TGFBR3: variants seen among roughly 807,000 people sequenced by gnomAD.
TGFBR3 encodes the protein transforming growth factor beta receptor 3.
A neutral mutation model predicts 87.9 loss-of-function variants in TGFBR3; 46 were observed. The ratio of observed to expected loss-of-function variants is 0.52; its 90% confidence interval spans 0.41 to 0.67. TGFBR3 has a LOEUF of 0.67. Among genes scored for constraint, TGFBR3 ranks in the 30% least tolerant of loss-of-function variants. The probability of loss-of-function intolerance (pLI) is 0.00; values close to 1 mark genes in which losing one functional copy is unlikely to be tolerated. For missense variants in TGFBR3, 866 were observed against 1,041.9 expected, an observed-to-expected ratio of 0.83 and a Z score of 2.32; for synonymous variants, 381 against 391.6, an observed-to-expected ratio of 0.97 and a Z score of 0.32.
rs1337416951 is a variant in TGFBR3 at position 91,683,331 on chromosome 1, T to C, written c.*408A>G. The C allele has an allele frequency of 2.1e-6, 1 of 468,810 alleles. No individual in the cohort carries two copies. Among genetic ancestry groups the C allele is most frequent in the Non-Finnish European group, 4.2e-6 (1 of 236,640 alleles). 29.0% of individuals were successfully genotyped at this position (468,810 alleles called of 1,614,324 possible). ...ATCTTTGGCCGCATCTCCTCACTGG[T>C]TCTACTATCTGGCTATTAACCCTTT... is the stretch of plus-strand genomic sequence containing the variant. On this transcript the variant is annotated 3_prime_UTR_variant, in exon 17 of 17. Coordinates refer to ENST00000212355, the MANE Select transcript of TGFBR3 (RefSeq NM_003243.5).
intron 2 of TGFBR3, among the ~76,000 whole-genome samples, chr1:91,846,725 A>G (rs941594826): frequency 6.6e-6 from 1 of 152,080 alleles, no homozygotes; most frequent in African/African-American, 2.4e-5. Context: ...TTTTTTTACT[A>G]TATCTTAAAA....
intron 3 of TGFBR3, among the ~76,000 whole-genome samples, chr1:91,775,616 T>C (rs1674540996): frequency 1.3e-5 from 2 of 152,194 alleles, no homozygotes; most frequent in Non-Finnish European, 2.9e-5. Context: ...TTTTATAAAA[T>C]TGAAGGGAAA....
At chr1:91,787,943 G>GGAAAAA (rs945269870) in intron 3 of TGFBR3, among the ~76,000 whole-genome samples, 8 of 133,310 alleles carry the variant, frequency 6.0e-5, no homozygotes, top group African/African-American at 2.1e-4. Context: ...GTCTCACGGG[G>GGAAAAA]AAAAAAAAAA....
intron 14 of TGFBR3, among the ~76,000 whole-genome samples, chr1:91,701,289 G>A (rs1220914443): frequency 6.6e-6 from 1 of 151,976 alleles, no homozygotes; most frequent in East Asian, 1.9e-4. Flanking sequence ...CTGCAGAACT[G>A]AGGTTAAAGA....
Position 91,797,308 on chromosome 1 carries a change from C to T in TGFBR3, c.225G>A (p.Gly75=), listed in dbSNP as rs763320119. The T allele has an allele frequency of 9.3e-6, 15 of 1,614,058 alleles. No individual in the cohort carries two copies. Among genetic ancestry groups the T allele is most frequent in the Admixed American group, 1.7e-5 (1 of 60,012 alleles). The change falls in exon 3 of 17, where the codon GGG becomes GGA. Residue 75 remains glycine, a synonymous_variant. Transcript: ENST00000212355. The stretch of plus-strand genomic sequence containing the variant: ...CTACCTCTCTCTGTAGCTGGCCAGG[C>T]CCCTGGCCTGCAGTGCGGAGATTCA... ...HVLNLRTAGQ[G]PGQLQREVTL...
intron 4 of TGFBR3, among the ~76,000 whole-genome samples, chr1:91,757,381 T>TA (rs1673782418): frequency 6.6e-6 from 1 of 152,230 alleles, no homozygotes; most frequent in South Asian, 2.1e-4. Flanking sequence ...ATCACCTGGT[T>TA]AAGGTATCAT....
chr1:91,850,575 G>GT (rs1677689798), intron 2 of TGFBR3, among the ~76,000 whole-genome samples: 2 of 152,068 alleles, frequency 1.3e-5, no homozygotes, highest in Admixed American at 6.6e-5. Flanking sequence ...GAGGCCAGAA[G>GT]TTTGAGACCA....
At chr1:91,731,417 T>A (rs1361538792) in intron 5 of TGFBR3, among the ~76,000 whole-genome samples, 1 of 151,878 alleles carries the variant, frequency 6.6e-6, no homozygotes, top group Non-Finnish European at 1.5e-5. Context: ...GAGCATTGGG[T>A]TTGCACTCTG....
chr1:91,741,374 C>T (rs193145113), intron 4 of TGFBR3, among the ~76,000 whole-genome samples: 2 of 152,140 alleles, frequency 1.3e-5, no homozygotes, highest in African/African-American at 2.4e-5. Context: ...TGTGCCCTCT[C>T]GGAGAGCGCC....
intron 16 of TGFBR3, among the ~76,000 whole-genome samples, chr1:91,694,485 A>G (rs1671366253): frequency 6.6e-6 from 1 of 152,264 alleles, no homozygotes; most frequent in Non-Finnish European, 1.5e-5. Flanking sequence ...TGTAGTATTT[A>G]AAGTGAAAAT....
chr1:91,839,961 C>T (rs113390546), intron 2 of TGFBR3, among the ~76,000 whole-genome samples: 2,238 of 150,414 alleles, frequency 0.015, 63 homozygotes, highest in African/African-American at 0.052. Context: ...CGCTGTACTA[C>T]TTATGCAACC....
chr1:91,855,026 T>C (rs1047191212), intron 2 of TGFBR3, among the ~76,000 whole-genome samples: 1 of 152,212 alleles, frequency 6.6e-6, no homozygotes, highest in African/African-American at 2.4e-5. Flanking sequence ...CTTGTACCAT[T>C]CCAGACCAAG....
At chr1:91,884,163 T>C (rs1200516745) in intron 1 of TGFBR3, among the ~76,000 whole-genome samples, 24 of 149,050 alleles carry the variant, frequency 1.6e-4, no homozygotes, top group Admixed American at 1.6e-3. Context: ...CTACTAAAAA[T>C]ACAAAAGTTA....
intron 2 of TGFBR3, among the ~76,000 whole-genome samples, chr1:91,829,104 G>A (rs574332741): frequency 1.6e-3 from 246 of 152,184 alleles, no homozygotes; most frequent in Non-Finnish European, 2.7e-3. Flanking sequence ...GGCTGGGCAC[G>A]ATGGCTCACA....
intron 1 of TGFBR3, among the ~76,000 whole-genome samples, chr1:91,901,562 A>G (rs2770188): frequency 0.022 from 3,282 of 152,256 alleles, 118 homozygotes; most frequent in African/African-American, 0.074. Flanking sequence ...ATATATTATA[A>G]CATGTTTAAA....
At chr1:91,796,004 C>T (rs150960132) in intron 3 of TGFBR3, among the ~76,000 whole-genome samples, 45 of 152,250 alleles carry the variant, frequency 3.0e-4, no homozygotes, top group African/African-American at 9.9e-4. Flanking sequence ...GTGGCTGAGG[C>T]ACATAAACAA....
At chr1:91,694,435 C>T (rs1304762382) in intron 16 of TGFBR3, among the ~76,000 whole-genome samples, 1 of 152,218 alleles carries the variant, frequency 6.6e-6, no homozygotes, top group Non-Finnish European at 1.5e-5. Context: ...GAGTCCATTC[C>T]TCTCCTTCTG....
chr1:91,724,017 C>A (rs1672463396), intron 7 of TGFBR3, among the ~76,000 whole-genome samples: 1 of 152,132 alleles, frequency 6.6e-6, no homozygotes, highest in East Asian at 1.9e-4. Flanking sequence ...CTTAAAGGAT[C>A]TCATTCAGTA....
intron 2 of TGFBR3, among the ~76,000 whole-genome samples, chr1:91,861,086 G>A (rs1678170170): frequency 6.6e-6 from 1 of 151,620 alleles, no homozygotes; most frequent in Admixed American, 6.6e-5. Context: ...ATGCTTTCTT[G>A]AAATCCTTAT....
Sources: allele counts gnomAD v4.1 joint callset (sites outside exome capture counted in the v4.1 genomes callset), GRCh38; gene constraint gnomAD v4.1.1; transcripts MANE v1.5; gene names NCBI Gene and HGNC (gene_info 2026-07-23, HGNC 2026-07-21).